Variants in RAD51 observed in about 807,000 individuals in gnomAD.
RAD51 encodes the protein RAD51 recombinase.
Under a neutral mutation model 41.5 loss-of-function variants are expected in RAD51, and 14 were observed. The ratio of observed to expected loss-of-function variants is 0.34; its 90% CI spans 0.22 to 0.53. RAD51 has a LOEUF of 0.53. Ranked by LOEUF, RAD51 falls within the 20% of genes least tolerant of loss-of-function variation. The probability of loss-of-function intolerance (pLI) is 0.95; values close to 1 mark genes in which losing one functional copy is unlikely to be tolerated. For missense variants in RAD51, 234 were observed against 422.0 expected, an observed-to-expected ratio of 0.55 and a Z score of 3.90; for synonymous variants, 136 against 148.6, an observed-to-expected ratio of 0.92 and a Z score of 0.62.
At chr15:40,698,610 T>C (rs979431263) in intron 1 of RAD51, 147 bp from the exon 2 acceptor site, 10 of 729,652 alleles carry the variant, frequency 1.4e-5, no homozygotes, top group Admixed American at 2.2e-5. Flanking sequence ...TGAAGGAATA[T>C]AAAGCAGGAG....
chr15:40,728,020 C>T (rs1490831985), intron 6 of RAD51, among the ~76,000 whole-genome samples: 2 of 152,002 alleles, frequency 1.3e-5, no homozygotes, highest in Non-Finnish European at 2.9e-5. Flanking sequence ...CCACCACGCC[C>T]GGCTAATTTT....
At chr15:40,720,192 A>T (rs1051998950) in intron 6 of RAD51, among the ~76,000 whole-genome samples, 1 of 151,998 alleles carries the variant, frequency 6.6e-6, no homozygotes, top group African/African-American at 2.4e-5. Flanking sequence ...GCTCACTGCA[A>T]CTTCCACCTC....
intron 9 of RAD51, among the ~76,000 whole-genome samples, chr15:40,730,512 T>A (rs1288182803): frequency 1.7e-5 from 2 of 120,754 alleles, no homozygotes; most frequent in Non-Finnish European, 3.3e-5. Context: ...CTTGAAAAAA[T>A]TTTTTTTCTT....
intron 9 of RAD51, among the ~76,000 whole-genome samples, chr15:40,730,476 A>G (rs1413520563): frequency 1.3e-5 from 2 of 151,286 alleles, no homozygotes; most frequent in Non-Finnish European, 2.9e-5. Flanking sequence ...ACTGCACTCC[A>G]GCCTGGCAAA....
intron 5 of RAD51, among the ~76,000 whole-genome samples, chr15:40,711,381 C>G (rs1426604896): frequency 2.6e-5 from 4 of 152,178 alleles, no homozygotes; most frequent in African/African-American, 9.7e-5. Flanking sequence ...TGACTGGGAT[C>G]GTGCCACTGC....
At chr15:40,724,915 CAG>C (rs1348706429) in intron 6 of RAD51, among the ~76,000 whole-genome samples, 5 of 96,568 alleles carry the variant, frequency 5.2e-5, no homozygotes, top group Non-Finnish European at 9.4e-5. Flanking sequence ...TTTTTTGAGA[CAG>C]AGTCTCGCTC....
At chr15:40,710,287 A>G (rs1895630190) in intron 5 of RAD51, among the ~76,000 whole-genome samples, 1 of 147,508 alleles carries the variant, frequency 6.8e-6, no homozygotes, top group African/African-American at 2.5e-5. Context: ...GAAAAAAAAA[A>G]GATCAGGAGT....
chr15:40,696,295 C>A (rs1390524890), intron 1 of RAD51, among the ~76,000 whole-genome samples: 1 of 152,136 alleles, frequency 6.6e-6, no homozygotes, highest in East Asian at 1.9e-4. Context: ...AATATACTGG[C>A]CGGGCGTCGT....
intron 5 of RAD51, among the ~76,000 whole-genome samples, chr15:40,714,459 G>A (rs1344231425): frequency 6.6e-6 from 1 of 152,196 alleles, no homozygotes; most frequent in East Asian, 1.9e-4. Flanking sequence ...ATAGCATGCT[G>A]ACACTCCAAA....
intron 2 of RAD51, among the ~76,000 whole-genome samples, chr15:40,699,993 C>T (rs976948304): frequency 2.0e-5 from 3 of 152,116 alleles, no homozygotes; most frequent in Non-Finnish European, 4.4e-5. Context: ...AAAAAAGACT[C>T]TAGAAGTTAC....
intron 9 of RAD51, among the ~76,000 whole-genome samples, chr15:40,730,520 C>CTTTTT (rs778467789): frequency 9.7e-5 from 11 of 113,108 alleles, no homozygotes; most frequent in Non-Finnish European, 1.5e-4. Context: ...AATTTTTTTT[C>CTTTTT]TTTTTTTTTT....
At chr15:40,719,400 A>T (rs1275783468) in intron 6 of RAD51, among the ~76,000 whole-genome samples, 4 of 40,182 alleles carry the variant, frequency 1.0e-4, no homozygotes, top group Admixed American at 3.9e-4. Flanking sequence ...ACTGGATTTA[A>T]AAAAAAAAAA....
At chr15:40,700,614 G>A (rs1894920904) in intron 2 of RAD51, among the ~76,000 whole-genome samples, 1 of 152,086 alleles carries the variant, frequency 6.6e-6, no homozygotes, top group Admixed American at 6.6e-5. Context: ...AATGTACATG[G>A]CTTAGTGCTA....
chr15:40,710,159 G>A (rs984141480), intron 5 of RAD51, among the ~76,000 whole-genome samples: 15 of 143,068 alleles, frequency 1.0e-4, no homozygotes, highest in East Asian at 8.4e-4. Flanking sequence ...GGAGAATGGC[G>A]TGAACCCGGG....
chr15:40,727,123 A>AT (rs72416525), intron 6 of RAD51, among the ~76,000 whole-genome samples: 32 of 150,956 alleles, frequency 2.1e-4, no homozygotes, highest in East Asian at 7.8e-4. Context: ...TTAATTTTTA[A>AT]TTTTTTTTTA....
intron 9 of RAD51, among the ~76,000 whole-genome samples, chr15:40,730,436 C>T (rs147983550): frequency 1.3e-3 from 194 of 150,596 alleles, no homozygotes; most frequent in African/African-American, 4.6e-3. Context: ...CATAGGAATT[C>T]GAGGCTGTAT....
intron 2 of RAD51, among the ~76,000 whole-genome samples, chr15:40,700,306 G>C (rs1894900892): frequency 6.6e-6 from 1 of 152,154 alleles, no homozygotes. Context: ...AAAAGTCCCT[G>C]ACAAAAAGTA....
intron 3 of RAD51, among the ~76,000 whole-genome samples, chr15:40,704,660 T>A (rs576850562): frequency 8.7e-5 from 12 of 137,510 alleles, no homozygotes; most frequent in Admixed American, 1.6e-4. Context: ...TGCCCAGCCA[T>A]GCCCTACTAA....
chr15:40,721,042 C>T (rs1395316534), intron 6 of RAD51, among the ~76,000 whole-genome samples: 4 of 152,168 alleles, frequency 2.6e-5, no homozygotes, highest in African/African-American at 9.7e-5. Flanking sequence ...ATTAGCCAGG[C>T]ATGGTGGCAC....
Sources: gnomAD v4.1 joint callset for allele counts (sites outside exome capture counted in the v4.1 genomes callset) on GRCh38, gnomAD v4.1.1 for gene constraint, MANE v1.5 for transcripts, NCBI Gene and HGNC (gene_info 2026-07-23, HGNC 2026-07-21) for gene names.